ZNF263: variants seen among roughly 807,000 people sequenced by gnomAD.
The protein encoded by ZNF263 is zinc finger protein FPM315.
A neutral mutation model predicts 63.1 loss-of-function variants in ZNF263; 49 were observed. That is an observed-to-expected ratio of 0.78 (90% CI 0.62 to 0.99). The LOEUF is 0.99. ZNF263 is among the 50% of genes least tolerant of loss of function. The pLI, the probability that ZNF263 is intolerant of heterozygous loss-of-function variation, is 0.00. For synonymous variants in ZNF263, 352 were observed against 324.2 expected, an observed-to-expected ratio of 1.09 and a Z score of -0.92; for missense variants, 872 against 854.8, an observed-to-expected ratio of 1.02 and a Z score of -0.25.
chr16:3,300,745 G>A (rs1959917338), intron 2 of ZNF263: 1 of 1,420,510 alleles, frequency 7.0e-7, no homozygotes, highest in African/African-American at 1.5e-5. Flanking sequence ...CATTGTATTG[G>A]AGGATAATGG....
rs746892718 is a variant in ZNF263 at position 3,283,977 on chromosome 16, T to A, written c.159T>A (p.Ala53=). The A allele has an allele frequency of 4.3e-6, 7 of 1,613,988 alleles. No homozygotes were observed. The highest frequency in any genetic ancestry group is 5.9e-6 in the Non-Finnish European group (7 of 1,180,012). The change falls in exon 1 of 6, where the codon GCT becomes GCA. Residue 53 remains alanine (A), a synonymous_variant. Transcript: ENST00000219069. ...RFRRFRFQEA[A]GPREALSRLQ... Reference sequence around the variant, plus strand: ...GACGGTTCCGCTTCCAAGAGGCAGCTGGTCCCCGGGAAGCCCTCAGCCGGC... The same window carrying A: ...GACGGTTCCGCTTCCAAGAGGCAGCAGGTCCCCGGGAAGCCCTCAGCCGGC...
At chr16:3,287,953 T>TAA (rs796602051) in intron 4 of ZNF263, among the ~76,000 whole-genome samples, 1 of 144,196 alleles carries the variant, frequency 6.9e-6, no homozygotes, top group African/African-American at 2.5e-5. Flanking sequence ...CATGAATATT[T>TAA]AAAAAAAAAA....
At chr16:3,287,646 T>A (rs1959427986) in intron 4 of ZNF263, among the ~76,000 whole-genome samples, 1 of 152,006 alleles carries the variant, frequency 6.6e-6, no homozygotes, top group South Asian at 2.1e-4. Context: ...GGAGTCCATG[T>A]TTGCTGGAGG....
intron 2 of ZNF263, chr16:3,299,454 C>A: frequency 1.9e-6 from 3 of 1,555,338 alleles, no homozygotes; most frequent in Non-Finnish European, 2.6e-6. Flanking sequence ...TTACTTCTTC[C>A]CAACTTTTTG....
chr16:3,300,368 C>T, intron 2 of ZNF263: 1 of 1,614,216 alleles, frequency 6.2e-7, no homozygotes, highest in East Asian at 2.2e-5. Flanking sequence ...ATGTAGACCG[C>T]ATCATCTACA....
Position 3,284,067 on chromosome 16 carries a change from G to A in ZNF263, c.249G>A (p.Leu83=). The change falls in exon 1 of 6, where the codon CTG becomes CTA. Residue 83 remains leucine, a synonymous_variant. Transcript: ENST00000219069. The part of the protein sequence containing the change: ...EMRTKEQILE[L]LVLEQFLTIL... Reference sequence around the variant, plus strand: ...GCACGAAGGAGCAGATCTTGGAGCTGCTGGTGTTAGAGCAGTTCCTGACCA... The same window carrying A: ...GCACGAAGGAGCAGATCTTGGAGCTACTGGTGTTAGAGCAGTTCCTGACCA... 6.2e-7 allele frequency: 1 copy of A among 1,613,760 alleles called. No homozygotes were observed. The highest frequency in any genetic ancestry group is 1.1e-5 in the South Asian group (1 of 91,066).
At chr16:3,300,189 C>T in intron 2 of ZNF263, 2 of 1,614,184 alleles carry the variant, frequency 1.2e-6, no homozygotes, top group South Asian at 1.1e-5. Context: ...GGACTTGTTC[C>T]CCACATCCTT....
At chr16:3,299,273 C>T (rs372013671) in intron 2 of ZNF263, 2 of 1,610,992 alleles carry the variant, frequency 1.2e-6, no homozygotes, top group South Asian at 2.2e-5. Context: ...AGGAGACAAC[C>T]CTTTTCTTCA....
intron 2 of ZNF263, chr16:3,299,785 A>C (rs763041213): frequency 6.4e-7 from 1 of 1,570,740 alleles, no homozygotes; most frequent in East Asian, 2.2e-5. Flanking sequence ...ATTAAGTTGA[A>C]AATGTCGGAC....
rs752080331 is a variant in ZNF263, at chr16:3,285,725, AT to A, written c.614del (p.Met205ArgfsTer6). On this transcript the variant is annotated frameshift_variant, in exon 3 of 6. Transcript: ENST00000219069. LOFTEE classifies it high-confidence loss of function. The part of the protein sequence containing the change: ...WLSLFPPEGN[M>X]EDKEMTGPQL... ...TTCTCTTTTTCCTCCTGAAGGGAACATGGAAGACAAGGAGATGACTGGGCCC... is the reference window on the plus strand; with the variant it reads ...TTCTCTTTTTCCTCCTGAAGGGAACAGGAAGACAAGGAGATGACTGGGCCC... 3 of 1,614,130 alleles carry A rather than the reference AT, an allele frequency of 1.9e-6. No individual in the cohort carries two copies. In the South Asian group the frequency reaches 3.3e-5, roughly 18 times the overall value.
rs2150771716 is a variant in ZNF263, at chr16:3,285,114, A to T, written c.443A>T (p.Glu148Val). 6.2e-7 allele frequency: 1 copy of T among 1,614,168 alleles called. No homozygotes were observed. The highest frequency in any genetic ancestry group is 1.7e-5 in the Admixed American group (1 of 60,022). ...CTTTTGGAGGAGCCTTTGCCTCTGG[A>T]AACAGCACGAGAGTCACCGAGCTTC... ...EVLLEEPLPL[E>V]TARESPSFKL... The change falls in exon 2 of 6, where the codon GAA becomes GTA. Residue 148 changes from glutamate to valine, a missense_variant. Glu to Val is a moderately radical substitution (Grantham distance 121). Transcript: ENST00000219069.
chr16:3,297,887 G>C (rs543056516), intron 1 of ZNF263, among the ~76,000 whole-genome samples: 4 of 152,062 alleles, frequency 2.6e-5, no homozygotes, highest in Non-Finnish European at 5.9e-5. Flanking sequence ...ATTAAATAGG[G>C]AACAACCATA....
chr16:3,294,161 G>A (rs561397303), downstream of ZNF263, among the ~76,000 whole-genome samples: 56 of 152,298 alleles, frequency 3.7e-4, no homozygotes, highest in East Asian at 6.6e-3. Context: ...TCCTGACCTC[G>A]TGATCTGCCC....
rs1368852759 is a variant in ZNF263, at chr16:3,288,449, A to T, written c.770-5A>T. 1.9e-6 allele frequency: 3 copies of T among 1,605,826 alleles called. No individual in the cohort carries two copies. The African/African-American group carries it at 4.0e-5, about 22-fold the overall frequency. The stretch of plus-strand genomic sequence containing the variant: ...ACAGAAATCTGTTTCTTTCATTGTG[A>T]ACAGAGTCTCACATTCCCAGTCAGG... On this transcript the variant is annotated splice_polypyrimidine_tract_variant and splice_region_variant and intron_variant, in intron 4 of 5. Coordinates refer to ENST00000219069, the MANE Select transcript of ZNF263 (RefSeq NM_005741.5).
chr16:3,285,750 C>G lies in ZNF263; in HGVS notation c.638C>G (p.Pro213Arg). The G allele has an allele frequency of 6.2e-7, 1 of 1,614,066 alleles. No homozygotes were observed. The highest frequency in any genetic ancestry group is 1.1e-5 in the South Asian group (1 of 91,076). ...GNMEDKEMTGPQLPESLEDVA... is the reference protein window; with the variant it reads ...GNMEDKEMTGRQLPESLEDVA... ...ATGGAAGACAAGGAGATGACTGGGC[C>G]CCAGGTGATGTGGAAGTTTCCATTG... is the stretch of plus-strand genomic sequence containing the variant. Residue 213 changes from proline (P) to arginine (R), a missense_variant, in exon 3 of 6, where the codon CCC becomes CGC. By Grantham distance (103) the Pro-to-Arg change is moderately radical. Transcript: ENST00000219069.
Position 3,290,733 on chromosome 16 carries a change from A to T in ZNF263, c.*175A>T. 2.1e-6 allele frequency: 3 copies of T among 1,415,076 alleles called. No individual in the cohort carries two copies. The highest frequency in any genetic ancestry group is 3.2e-5 in the South Asian group (2 of 63,454). The allele number at this position is 1,415,076 out of a possible 1,614,324, so 87.7% of individuals were successfully genotyped here. On this transcript the variant is annotated 3_prime_UTR_variant, in exon 6 of 6. Transcript: ENST00000219069. ...GAGGATTGGCATAAAACTGAAAAGG[A>T]GTTCTGTCTGCATGAGAAAGGATGG...
intron 4 of ZNF263, among the ~76,000 whole-genome samples, chr16:3,287,405 CTTTTTTTTTTTT>C (rs34751211): frequency 6.6e-4 from 65 of 97,870 alleles, no homozygotes; most frequent in African/African-American, 2.6e-3. Context: ...CACACCCGGC[CTTTTTTTTTTTT>C]TTTTTTTTTT....
rs763640815 is a variant in ZNF263 at position 3,283,847 on chromosome 16, G to C, written c.29G>C (p.Arg10Pro). The stretch of plus-strand genomic sequence containing the variant: ...GCGTCGGGCCCGGGCTCCCAGGAAC[G>C]GGAAGGGCTCCTGATAGTGAAGCTG... MASGPGSQE[R>P]EGLLIVKLEE... Residue 10 changes from arginine (R) to proline (P), a missense_variant, in exon 1 of 6, where the codon CGG (arginine) becomes CCG (proline). Physicochemically the swap from Arg to Pro is moderately radical, Grantham distance 103. Transcript: ENST00000219069. 5.7e-6 allele frequency: 9 copies of C among 1,586,684 alleles called. No individual in the cohort carries two copies. The highest frequency in any genetic ancestry group is 5.1e-6 in the Non-Finnish European group (6 of 1,167,616).
chr16:3,290,861 G>T lies in ZNF263; in HGVS notation c.*303G>T. ...TTTTTAAAGCCAAGGTGCGATTTGG[G>T]CACCTGACTGTCCAGTTTACCTTAA... On this transcript the variant is annotated 3_prime_UTR_variant, in exon 6 of 6. Coordinates refer to ENST00000219069, the MANE Select transcript of ZNF263 (RefSeq NM_005741.5). 1 of 1,108,016 alleles carries T rather than the reference G, an allele frequency of 9.0e-7. No individual in the cohort carries two copies. Among genetic ancestry groups the T allele is most frequent in the East Asian group, 5.3e-5 (1 of 18,770 alleles). 68.6% of individuals were successfully genotyped at this position (1,108,016 alleles called of 1,614,324 possible).
Sources: allele counts gnomAD v4.1 joint callset (sites outside exome capture counted in the v4.1 genomes callset), GRCh38; gene constraint gnomAD v4.1.1; transcripts MANE v1.5; gene names NCBI Gene and HGNC (gene_info 2026-07-23, HGNC 2026-07-21).